Variants in SPATA21 observed in about 807,000 individuals in gnomAD.
SPATA21 encodes spermatogenesis associated 21, also known as spermatogenesis-associated protein 21.
SPATA21 carries 47 observed loss-of-function variants against 54.8 expected under a neutral mutation model. The observed-to-expected ratio is 0.86, with a 90% CI of 0.68 to 1.09. SPATA21 has a LOEUF of 1.09. SPATA21 is among the 50% of genes least tolerant of loss of function. The probability of loss-of-function intolerance (pLI) is 0.00; values close to 1 mark genes in which losing one functional copy is unlikely to be tolerated. For synonymous variants in SPATA21, 245 were observed against 235.3 expected (o/e 1.04, Z -0.38); for missense variants, 599 against 596.4 (o/e 1.00, Z -0.05).
chr1:16,414,159 G>A (rs1016205320), intron 5 of SPATA21, among the ~76,000 whole-genome samples: 6 of 151,958 alleles, frequency 3.9e-5, no homozygotes, highest in South Asian at 4.2e-4. Context: ...TCCGCCTCCC[G>A]GGTTCAAGTG....
At chr1:16,429,116 G>C (rs2086392184) in intron 3 of SPATA21, among the ~76,000 whole-genome samples, 1 of 152,146 alleles carries the variant, frequency 6.6e-6, no homozygotes, top group Admixed American at 6.5e-5. Flanking sequence ...AGAGGCTACA[G>C]GGAACATACC....
chr1:16,407,696 G>T (rs2085688830), intron 7 of SPATA21, among the ~76,000 whole-genome samples: 1 of 152,044 alleles, frequency 6.6e-6, no homozygotes, highest in African/African-American at 2.4e-5. Context: ...CTGACCTCGT[G>T]ATCCACCCGC....
At chr1:16,404,583 G>T (rs2085567684) in intron 8 of SPATA21, among the ~76,000 whole-genome samples, 1 of 152,230 alleles carries the variant, frequency 6.6e-6, no homozygotes, top group Non-Finnish European at 1.5e-5. Flanking sequence ...TTGAGAGGCT[G>T]AGGCAGGCAG....
intron 3 of SPATA21, among the ~76,000 whole-genome samples, chr1:16,430,419 T>G (rs1230427198): frequency 6.6e-6 from 1 of 151,850 alleles, no homozygotes; most frequent in Non-Finnish European, 1.5e-5. Context: ...GGTGAGAGAG[T>G]GAGAGCCTGT....
rs964218318 is a variant in SPATA21 at position 16,433,457 on chromosome 1, A to T, written c.-186-533T>A. On this transcript the variant is annotated intron_variant, in intron 1 of 12. Coordinates refer to ENST00000335496, the MANE Select transcript of SPATA21 (RefSeq NM_198546.1). ...CTTGCCCCTCCCCAGCCTCTTTCTC[A>T]TTAGGGTTCCCCTAGCCATTCCCGC... is the stretch of plus-strand genomic sequence containing the variant. Among the ~76,000 whole-genome samples the T allele has an allele frequency of 7.2e-5, 11 of 152,134 alleles. 1 individual carries two copies. The highest frequency in any genetic ancestry group is 1.7e-4 in the African/African-American group (7 of 41,424).
Position 16,400,337 on chromosome 1 carries a change from G to A in SPATA21, c.1174+383C>T, listed in dbSNP as rs2085405835. ...TGGGTCAGTTTCATTTTTCTAATCT[G>A]TAAAATGGGGTAAATACATGATTAT... On this transcript the variant is annotated intron_variant, in intron 11 of 12. Coordinates refer to ENST00000335496, the MANE Select transcript of SPATA21 (RefSeq NM_198546.1). The A allele has an allele frequency of 7.4e-6, 5 of 679,682 alleles. No homozygotes were observed. The South Asian group carries it at 2.6e-4, about 36-fold the overall frequency. The allele number at this position is 679,682 out of a possible 1,614,324, so 42.1% of individuals were successfully genotyped here.
intron 1 of SPATA21, among the ~76,000 whole-genome samples, chr1:16,433,555 C>T (rs191457640): frequency 6.6e-6 from 1 of 152,344 alleles, no homozygotes; most frequent in Non-Finnish European, 1.5e-5. Flanking sequence ...CCCTCAAACA[C>T]ACCCCCTATT....
chr1:16,437,841 C>T (rs953226312), upstream of SPATA21, among the ~76,000 whole-genome samples: 21 of 151,936 alleles, frequency 1.4e-4, no homozygotes, highest in Admixed American at 3.3e-4. Context: ...CACTTGAGGT[C>T]GAGTTATAGA....
chr1:16,419,722 C>T (rs560761273), intron 5 of SPATA21, among the ~76,000 whole-genome samples: 7 of 152,164 alleles, frequency 4.6e-5, no homozygotes, highest in Non-Finnish European at 5.9e-5. Flanking sequence ...GGCGGATCAC[C>T]GGAGGTAAGG....
chr1:16,435,807 T>C (rs867840495), intron 1 of SPATA21, among the ~76,000 whole-genome samples: 1 of 152,174 alleles, frequency 6.6e-6, no homozygotes, highest in Non-Finnish European at 1.5e-5. Context: ...TACTGGGTTG[T>C]CTTTTTATTA....
chr1:16,399,593 T>C, intron 11 of SPATA21, 72 bp from the exon 12 acceptor site: 1 of 1,516,980 alleles, frequency 6.6e-7, no homozygotes, highest in Non-Finnish European at 8.9e-7. Flanking sequence ...CAGATTCAAG[T>C]GAAATCCTGG....
At chr1:16,434,998 C>G (rs2086550368) in intron 1 of SPATA21, among the ~76,000 whole-genome samples, 1 of 152,180 alleles carries the variant, frequency 6.6e-6, no homozygotes, top group African/African-American at 2.4e-5. Context: ...GCTGAGACTA[C>G]AAGTGCACAC....
intron 1 of SPATA21, among the ~76,000 whole-genome samples, chr1:16,433,749 G>A (rs956792716): frequency 5.9e-5 from 9 of 152,120 alleles, no homozygotes; most frequent in Non-Finnish European, 1.3e-4. Flanking sequence ...CCCTAGCAGA[G>A]GGGCTTGGAA....
chr1:16,433,536 C>G (rs1030023927), intron 1 of SPATA21, among the ~76,000 whole-genome samples: 1 of 152,346 alleles, frequency 6.6e-6, no homozygotes, highest in South Asian at 2.1e-4. Context: ...GGAAAATCTC[C>G]CCCTACGCCC....
Position 16,409,708 on chromosome 1 carries a change from G to A in SPATA21, c.480C>T (p.Thr160=). 6.2e-7 allele frequency: 1 copy of A among 1,612,910 alleles called. No individual in the cohort carries two copies. Among genetic ancestry groups the A allele is most frequent in the Non-Finnish European group, 8.5e-7 (1 of 1,179,874 alleles). The change falls in exon 6 of 13, where the codon ACC becomes ACT. Residue 160 remains threonine, a synonymous_variant. Coordinates refer to ENST00000335496, the MANE Select transcript of SPATA21 (RefSeq NM_198546.1). The surrounding 1 kb of genome is among the most constrained non-coding windows in gnomAD (Gnocchi z 4.1). ...EPAPMGAPVP[T]SMPCPVLLGP... ...CCAGCAGGACAGGGCAAGGCATGGA[G>A]GTGGGGACCGGGGCTCCCATGGGGG... is the stretch of plus-strand genomic sequence containing the variant.
chr1:16,407,409 G>A (rs1177348447), intron 7 of SPATA21, among the ~76,000 whole-genome samples: 3 of 152,098 alleles, frequency 2.0e-5, no homozygotes, highest in African/African-American at 7.2e-5. Context: ...GGCAGGGAGA[G>A]CTGCACTTAG....
At chr1:16,422,495 TTG>T (rs1239541435) in intron 3 of SPATA21, among the ~76,000 whole-genome samples, 1 of 142,974 alleles carries the variant, frequency 7.0e-6, no homozygotes, top group Non-Finnish European at 1.5e-5. Context: ...GGGTTTTCCT[TTG>T]TGTGTGTGTG....
chr1:16,436,680 C>T (rs761811697), intron 1 of SPATA21, among the ~76,000 whole-genome samples: 11 of 151,564 alleles, frequency 7.3e-5, no homozygotes, highest in East Asian at 1.9e-4. Flanking sequence ...GCAGGAGAAT[C>T]GCTTGAACCT....
chr1:16,416,680 CA>C (rs71574184), intron 5 of SPATA21, among the ~76,000 whole-genome samples: 82,402 of 130,082 alleles, frequency 0.63, 24,595 homozygotes, highest in East Asian at 0.91. Context: ...GACTCCATCT[CA>C]AAAAAAAAAA....
Sources: allele counts gnomAD v4.1 joint callset (sites outside exome capture counted in the v4.1 genomes callset), GRCh38; gene constraint gnomAD v4.1.1; non-coding constraint Gnocchi (gnomAD v3.1); transcripts MANE v1.5; gene names NCBI Gene and HGNC (gene_info 2026-07-23, HGNC 2026-07-21).